SOX5: variants seen among roughly 807,000 people sequenced by gnomAD.
SOX5 encodes SRY-box transcription factor 5.
Under a neutral mutation model 92.0 loss-of-function variants are expected in SOX5, and 9 were observed. That is an observed-to-expected ratio of 0.10 (90% CI 0.06 to 0.17). The LOEUF (loss-of-function observed/expected upper bound fraction) is 0.17. Ranked by LOEUF, SOX5 falls within the 10% of genes least tolerant of loss-of-function variation. The pLI, the probability that SOX5 is intolerant of heterozygous loss-of-function variation, is 1.00. For missense variants in SOX5, 642 were observed against 944.5 expected (o/e 0.68, Z 4.20); for synonymous variants, 344 against 336.3 (o/e 1.02, Z -0.25).
intron 2 of SOX5, among the ~76,000 whole-genome samples, chr12:24,345,462 C>T (rs542269638): frequency 6.6e-6 from 1 of 152,282 alleles, no homozygotes; most frequent in Admixed American, 6.5e-5. Flanking sequence ...CCAAGAAGCA[C>T]TTTCTTGCTC....
At chr12:23,935,984 ACT>A (rs1163152304) in intron 1 of SOX5, among the ~76,000 whole-genome samples, 1 of 150,958 alleles carries the variant, frequency 6.6e-6, no homozygotes, top group Non-Finnish European at 1.5e-5. Flanking sequence ...AAATTAGGCA[ACT>A]CTCTCTGTTT....
chr12:24,376,756 G>T (rs1957323740), intron 1 of SOX5, among the ~76,000 whole-genome samples: 1 of 128,440 alleles, frequency 7.8e-6, no homozygotes. Flanking sequence ...ACCCAGGCTG[G>T]AGTATAGTGG....
Position 23,835,979 on chromosome 12 carries a change from G to T in SOX5, c.481+10004C>A, listed in dbSNP as rs1470841598. Among the ~76,000 whole-genome samples, 4 of 151,768 alleles carry T rather than the reference G, an allele frequency of 2.6e-5. No homozygotes were observed. In the East Asian group the frequency reaches 7.7e-4, roughly 29 times the overall value. ...TATACACAGGAGCCCTGGTTATAAGGTTTTCATCGAGATTGAAAGAAGCAT... is the reference window on the plus strand; with the variant it reads ...TATACACAGGAGCCCTGGTTATAAGTTTTTCATCGAGATTGAAAGAAGCAT... On this transcript the variant is annotated intron_variant, in intron 3 of 14. Transcript: ENST00000451604.
chr12:24,494,708 C>T (rs1597296648), intron 1 of SOX5, among the ~76,000 whole-genome samples: 1 of 152,132 alleles, frequency 6.6e-6, no homozygotes, highest in African/African-American at 2.4e-5. Flanking sequence ...CTATGTAAGG[C>T]AGTTCCAAAG....
chr12:24,162,157 T>A (rs1952830455), intron 4 of SOX5, among the ~76,000 whole-genome samples: 1 of 152,042 alleles, frequency 6.6e-6, no homozygotes, highest in Non-Finnish European at 1.5e-5. Context: ...AAAATCCTAC[T>A]AGGGTTCAAG....
intron 3 of SOX5, among the ~76,000 whole-genome samples, chr12:24,263,549 A>AAAAAAAAAAAAAAAG (rs1565782047): frequency 6.9e-6 from 1 of 145,742 alleles, no homozygotes; most frequent in South Asian, 2.1e-4. Flanking sequence ...AACAAAAAAA[A>AAAAAAAAAAAAAAAG]AAACAAAAAC....
chr12:24,266,288 G>A (rs1392962452), intron 3 of SOX5, among the ~76,000 whole-genome samples: 1 of 152,004 alleles, frequency 6.6e-6, no homozygotes, highest in Admixed American at 6.6e-5. Flanking sequence ...AGCTATAAAC[G>A]TGCATATATG....
At chr12:24,048,909 G>A (rs1400244469) in intron 4 of SOX5, among the ~76,000 whole-genome samples, 1 of 152,076 alleles carries the variant, frequency 6.6e-6, no homozygotes, top group Non-Finnish European at 1.5e-5. Flanking sequence ...ATTTCTTTTT[G>A]TGGTGATGAA....
At chr12:23,645,460 A>T (rs1223224852) in intron 7 of SOX5, among the ~76,000 whole-genome samples, 3 of 152,206 alleles carry the variant, frequency 2.0e-5, no homozygotes, top group Non-Finnish European at 2.9e-5. Context: ...TGAAGTTTTA[A>T]GAAGCCTCAT....
chr12:24,561,777 G>GA (rs1954374336), intron 1 of SOX5, among the ~76,000 whole-genome samples: 2 of 145,800 alleles, frequency 1.4e-5, no homozygotes, highest in Non-Finnish European at 3.0e-5. Flanking sequence ...ACAAAAAGAC[G>GA]AAAGAGTCGG....
At chr12:24,377,657 T>C (rs1957423357) in intron 1 of SOX5, among the ~76,000 whole-genome samples, 1 of 152,252 alleles carries the variant, frequency 6.6e-6, no homozygotes, top group African/African-American at 2.4e-5. Context: ...CTCCTTCCAC[T>C]GTTTTCCTAA....
At chr12:24,419,255 C>A (rs1331089575) in intron 1 of SOX5, among the ~76,000 whole-genome samples, 1 of 152,092 alleles carries the variant, frequency 6.6e-6, no homozygotes, top group African/African-American at 2.4e-5. Context: ...AGTTAAGCAA[C>A]TCCTCCCAAG....
intron 11 of SOX5, among the ~76,000 whole-genome samples, chr12:23,548,558 G>T (rs1943589609): frequency 1.3e-5 from 2 of 152,022 alleles, no homozygotes; most frequent in African/African-American, 2.4e-5. Context: ...AAGGAAAGGT[G>T]ATTGCAGGAA....
At chr12:23,686,213 A>G (rs1445089279) in intron 6 of SOX5, among the ~76,000 whole-genome samples, 1 of 152,196 alleles carries the variant, frequency 6.6e-6, no homozygotes, top group Admixed American at 6.6e-5. Context: ...TGCAAAATTT[A>G]TGCTAAAGAA....
Position 23,659,688 on chromosome 12 carries a change from A to G in SOX5, c.931+5756T>C, listed in dbSNP as rs573307846. Among the ~76,000 whole-genome samples the G allele has an allele frequency of 6.6e-5, 10 of 152,248 alleles. No homozygotes were observed. In the East Asian group the frequency reaches 1.7e-3, roughly 27 times the overall value. ...AAAACAACAACAGAAAAAGTTTAAA[A>G]CTGGCCAGGCACGGTGGCTCACACC... On this transcript the variant is annotated intron_variant, in intron 7 of 14. Coordinates refer to ENST00000451604, the MANE Select transcript of SOX5 (RefSeq NM_006940.6).
intron 4 of SOX5, among the ~76,000 whole-genome samples, chr12:24,062,624 C>G (rs1047473852): frequency 6.6e-6 from 1 of 152,168 alleles, no homozygotes; most frequent in Non-Finnish European, 1.5e-5. Flanking sequence ...TTTGTAAAGA[C>G]GTGGTCCTGA....
intron 6 of SOX5, among the ~76,000 whole-genome samples, chr12:23,718,559 C>T (rs572606625): frequency 6.6e-6 from 1 of 152,188 alleles, no homozygotes; most frequent in Non-Finnish European, 1.5e-5. Context: ...TGTTTAATCT[C>T]TCATCTTTAC....
intron 1 of SOX5, among the ~76,000 whole-genome samples, chr12:24,395,326 T>C (rs1959639028): frequency 6.6e-6 from 1 of 152,174 alleles, no homozygotes; most frequent in Admixed American, 6.5e-5. Context: ...GTAAGCCTTC[T>C]AGAAGGCTCA....
chr12:24,014,982 C>G (rs547121008), intron 4 of SOX5, among the ~76,000 whole-genome samples: 1 of 152,164 alleles, frequency 6.6e-6, no homozygotes, highest in African/African-American at 2.4e-5. Context: ...TTCTCACTCC[C>G]CAGAGACCTC....
Sources: allele counts gnomAD v4.1 joint callset (sites outside exome capture counted in the v4.1 genomes callset), GRCh38; gene constraint gnomAD v4.1.1; transcripts MANE v1.5; gene names NCBI Gene and HGNC (gene_info 2026-07-23, HGNC 2026-07-21).